Variants in AKAP9 observed in about 807,000 individuals in gnomAD.
The protein encoded by AKAP9 is A-kinase anchoring protein 9.
AKAP9 carries 311 observed loss-of-function variants against 488.5 expected under a neutral mutation model. The ratio of observed to expected loss-of-function variants is 0.64; its 90% CI spans 0.58 to 0.70. The LOEUF is 0.70. AKAP9 is among the 30% of genes least tolerant of loss of function. AKAP9 has a pLI of 0.00. For synonymous variants in AKAP9, 1,462 were observed against 1,483.5 expected, an observed-to-expected ratio of 0.99 and a Z score of 0.33; for missense variants, 4,215 against 4,374.5, an observed-to-expected ratio of 0.96 and a Z score of 1.03.
intron 3 of AKAP9, among the ~76,000 whole-genome samples, chr7:91,988,508 G>A (rs1029651350): frequency 6.6e-6 from 1 of 152,008 alleles, no homozygotes; most frequent in African/African-American, 2.4e-5. Flanking sequence ...TGGGCAGTAT[G>A]TAACATTATA....
Position 92,038,748 on chromosome 7 carries a change from TA to T in AKAP9, c.4672del (p.Thr1558HisfsTer3). On this transcript the variant is annotated frameshift_variant, in exon 17 of 50. Coordinates refer to ENST00000356239, the MANE Select transcript of AKAP9 (RefSeq NM_005751.5). LOFTEE classifies it high-confidence loss of function. ...TISEEMFSKD[K>X]TFIVRQSIHD... ...TTTCAGAAGAAATGTTCTCCAAAGA[TA>T]AAACATTTATAGTTAGACAGTCTGT... 2 of 1,605,236 alleles carry T rather than the reference TA, an allele frequency of 1.2e-6. No individual in the cohort carries two copies. The highest frequency in any genetic ancestry group is 1.1e-5 in the South Asian group (1 of 89,206).
chr7:92,049,022 T>A (rs1216116127), intron 21 of AKAP9, among the ~76,000 whole-genome samples: 1 of 152,168 alleles, frequency 6.6e-6, no homozygotes, highest in African/African-American at 2.4e-5. Context: ...CATTAGAGAT[T>A]CAGAGAGCCT....
intron 5 of AKAP9, 104 bp downstream of exon 5, chr7:91,993,159 T>A (rs879674589): frequency 7.9e-7 from 1 of 1,270,268 alleles, no homozygotes; most frequent in Non-Finnish European, 1.1e-6. Flanking sequence ...AATTTTTTTT[T>A]AACTTTTTTC....
At chr7:92,014,504 C>T (rs1801233644) in intron 10 of AKAP9, among the ~76,000 whole-genome samples, 176 bp downstream of exon 10, 3 of 152,234 alleles carry the variant, frequency 2.0e-5, no homozygotes, top group Middle Eastern at 3.4e-3. Flanking sequence ...TGGTGTGTGC[C>T]TATAGTCCCA....
intron 24 of AKAP9, among the ~76,000 whole-genome samples, chr7:92,063,805 G>A (rs1302563412): frequency 6.6e-6 from 1 of 152,060 alleles, no homozygotes; most frequent in Non-Finnish European, 1.5e-5. Context: ...TTTTGAGATG[G>A]AGTCTTGCTC....
At chr7:91,957,317 T>C (rs1179551080) in intron 1 of AKAP9, among the ~76,000 whole-genome samples, 2 of 152,310 alleles carry the variant, frequency 1.3e-5, no homozygotes, top group East Asian at 3.8e-4. Context: ...AACTATTTTC[T>C]GTACATTAAC....
At chr7:91,942,795 T>TG (rs1367376788) in intron 1 of AKAP9, among the ~76,000 whole-genome samples, 3 of 152,194 alleles carry the variant, frequency 2.0e-5, no homozygotes, top group Non-Finnish European at 2.9e-5. Context: ...ATTCTATGTA[T>TG]GGGGTAAAAA....
chr7:92,045,835 T>C (rs937952320), intron 21 of AKAP9, among the ~76,000 whole-genome samples: 9 of 142,566 alleles, frequency 6.3e-5, no homozygotes, highest in South Asian at 2.4e-4. Context: ...CGTTTCTTTT[T>C]TTTTTTTTTT....
intron 16 of AKAP9, among the ~76,000 whole-genome samples, chr7:92,033,812 T>TA (rs1170567425): frequency 2.6e-5 from 4 of 152,324 alleles, no homozygotes; most frequent in Non-Finnish European, 5.9e-5. Context: ...TATATCATAT[T>TA]AGAGTCCTCC....
chr7:92,089,598 A>G, intron 38 of AKAP9, 69 bp downstream of exon 38: 3 of 1,481,382 alleles, frequency 2.0e-6, no homozygotes, highest in Non-Finnish European at 2.8e-6. Context: ...TTTCTTTCTT[A>G]TTATTATTAA....
rs182301263 is a variant in AKAP9 at position 92,102,487 on chromosome 7, C to T, written c.11098-107C>T. On this transcript the variant is annotated intron_variant, in intron 45 of 49. Transcript: ENST00000356239. ...ACTACTACTACTACTACTACTACTA[C>T]TACCACCACCACCACCACTACTTGT... is the stretch of plus-strand genomic sequence containing the variant. The T allele has an allele frequency of 2.7e-5, 20 of 737,764 alleles. No individual in the cohort carries two copies. The Admixed American group carries it at 3.2e-4, about 12-fold the overall frequency. 45.7% of individuals were successfully genotyped at this position (737,764 alleles called of 1,614,324 possible).
Position 92,097,730 on chromosome 7 carries a change from A to G in AKAP9, c.10543A>G (p.Ile3515Val). 1.9e-6 allele frequency: 3 copies of G among 1,614,188 alleles called. No homozygotes were observed. The highest frequency in any genetic ancestry group is 2.5e-6 in the Non-Finnish European group (3 of 1,180,024). The change falls in exon 42 of 50, where the codon ATC becomes GTC. Residue 3515 changes from isoleucine (I) to valine (V), a missense_variant. Physicochemically the swap from Ile to Val is conservative, Grantham distance 29. Around this residue, in one of 5 missense-constraint regions of AKAP9, gnomAD observed 1,476 missense variants for 1,477.4 expected, o/e 1.00. Coordinates refer to ENST00000356239, the MANE Select transcript of AKAP9 (RefSeq NM_005751.5). Reference sequence around the variant, plus strand: ...CGGCTGTAATCATGAATTAGAAATGATCAGACAAAAGCTTCAATGTGTAGC... The same window carrying G: ...CGGCTGTAATCATGAATTAGAAATGGTCAGACAAAAGCTTCAATGTGTAGC... ...GTGCNHELEMIRQKLQCVASK... is the reference protein window; with the variant it reads ...GTGCNHELEMVRQKLQCVASK...
chr7:92,017,570 CTT>C (rs1801697510), intron 12 of AKAP9, among the ~76,000 whole-genome samples: 1 of 152,072 alleles, frequency 6.6e-6, no homozygotes, highest in African/African-American at 2.4e-5. Flanking sequence ...TTTATTAACT[CTT>C]ATCAGTAAAA....
At chr7:91,977,048 G>T (rs893395591) in intron 2 of AKAP9, among the ~76,000 whole-genome samples, 1 of 151,908 alleles carries the variant, frequency 6.6e-6, no homozygotes, top group Non-Finnish European at 1.5e-5. Flanking sequence ...TACTTGAGCC[G>T]AAGAGTTCGA....
chr7:91,993,123 G>A, intron 5 of AKAP9, 68 bp downstream of exon 5: 1 of 1,561,574 alleles, frequency 6.4e-7, no homozygotes, highest in Non-Finnish European at 8.8e-7. Flanking sequence ...GTGAATAATA[G>A]TAGTCTTTAA....
At chr7:91,968,334 G>A (rs1794665975) in intron 1 of AKAP9, among the ~76,000 whole-genome samples, 1 of 152,122 alleles carries the variant, frequency 6.6e-6, no homozygotes, top group African/African-American at 2.4e-5. Flanking sequence ...TAGGTTCTAT[G>A]TGTCCAGGAA....
At chr7:91,941,471 T>G (rs1028702915) in intron 1 of AKAP9, among the ~76,000 whole-genome samples, 3 of 152,202 alleles carry the variant, frequency 2.0e-5, no homozygotes, top group Non-Finnish European at 2.9e-5. Flanking sequence ...GATCTTTCAT[T>G]TTTTTAAGGA....
chr7:92,005,926 C>T (rs1342375706), intron 8 of AKAP9, among the ~76,000 whole-genome samples: 7 of 152,126 alleles, frequency 4.6e-5, no homozygotes, highest in African/African-American at 1.7e-4. Flanking sequence ...GCCTCGGCCT[C>T]CCAAAGTGCT....
Position 92,023,015 on chromosome 7 carries a change from CATCTGCT to C in AKAP9, c.4148+7_4148+13del. 6.2e-7 allele frequency: 1 copy of C among 1,610,668 alleles called. No individual in the cohort carries two copies. The highest frequency in any genetic ancestry group is 8.5e-7 in the Non-Finnish European group (1 of 1,176,932). On this transcript the variant is annotated splice_region_variant and intron_variant, in intron 14 of 49. Transcript: ENST00000356239. The stretch of plus-strand genomic sequence containing the variant: ...GAGTCCACGGTTCCGCCAAGGTATT[CATCTGCT>C]TATAGCTTCATTCAACAGTATTTGT...
Sources: allele counts gnomAD v4.1 joint callset (sites outside exome capture counted in the v4.1 genomes callset), GRCh38; gene constraint gnomAD v4.1.1; regional missense constraint gnomAD v4.1.1; transcripts MANE v1.5; gene names NCBI Gene and HGNC (gene_info 2026-07-23, HGNC 2026-07-21).